The following CRB1 variants were observed in gnomAD, a reference collection of about 807,000 sequenced individuals.
The protein encoded by CRB1 is crumbs cell polarity complex component 1.
Under a neutral mutation model 120.0 loss-of-function variants are expected in CRB1, and 83 were observed. That is an observed-to-expected ratio of 0.69 (90% CI 0.58 to 0.83). The LOEUF is 0.83. Among genes scored for constraint, CRB1 ranks in the 40% least tolerant of loss-of-function variants. CRB1 has a pLI of 0.00. For synonymous variants in CRB1, 625 were observed against 612.5 expected (o/e 1.02, Z -0.30); for missense variants, 1,699 against 1,687.6 (o/e 1.01, Z -0.12).
intron 2 of CRB1, among the ~76,000 whole-genome samples, chr1:197,342,720 C>T (rs1006360188): frequency 1.3e-5 from 2 of 152,096 alleles, no homozygotes; most frequent in South Asian, 2.1e-4. Flanking sequence ...ACTTTTCAAA[C>T]ATTTTTTATT....
chr1:197,343,527 C>T (rs866324080), intron 2 of CRB1, among the ~76,000 whole-genome samples: 7 of 151,838 alleles, frequency 4.6e-5, no homozygotes, highest in Non-Finnish European at 4.4e-5. Context: ...TTAATAGCTT[C>T]TAATGATGCC....
chr1:197,245,584 A>C, the CRB1 span, among the ~76,000 whole-genome samples: 1 of 152,162 alleles, frequency 6.6e-6, no homozygotes. Flanking sequence ...CTTGGTGTTG[A>C]CATCTACTGA....
chr1:197,437,731 G>T (rs1323930403), intron 9 of CRB1, among the ~76,000 whole-genome samples: 1 of 152,088 alleles, frequency 6.6e-6, no homozygotes, highest in African/African-American at 2.4e-5. Flanking sequence ...CACATTAGCT[G>T]CAGCACACAC....
intron 2 of CRB1, among the ~76,000 whole-genome samples, chr1:197,343,793 C>T (rs1659607272): frequency 6.6e-6 from 1 of 152,092 alleles, no homozygotes; most frequent in Non-Finnish European, 1.5e-5. Context: ...TCGTCTTTTT[C>T]ACATGAGGAA....
At chr1:197,294,192 A>G (rs1480553426) in intron 1 of CRB1, among the ~76,000 whole-genome samples, 3 of 152,186 alleles carry the variant, frequency 2.0e-5, no homozygotes, top group Admixed American at 2.0e-4. Flanking sequence ...TCCAGAATCT[A>G]CAAAGAACTC....
At chr1:197,221,253 A>T in the CRB1 span, among the ~76,000 whole-genome samples, 3 of 152,192 alleles carry the variant, frequency 2.0e-5, no homozygotes, top group Non-Finnish European at 4.4e-5. Flanking sequence ...TTTAGGTGAT[A>T]ACTGCCTGAT....
intron 5 of CRB1, among the ~76,000 whole-genome samples, chr1:197,365,626 C>CTTTTTTT (rs375542477): frequency 6.6e-5 from 8 of 121,886 alleles, no homozygotes; most frequent in African/African-American, 2.5e-4. Flanking sequence ...TCTTCTTCTT[C>CTTTTTTT]TTTTTTTTTT....
At chr1:197,453,602 G>C (rs1311243777) in intron 11 of CRB1, among the ~76,000 whole-genome samples, 4 of 124,720 alleles carry the variant, frequency 3.2e-5, no homozygotes. Context: ...AGAGAGACAA[G>C]GTCTTGCTCT....
chr1:197,294,177 T>C (rs1656372659), intron 1 of CRB1, among the ~76,000 whole-genome samples: 1 of 152,166 alleles, frequency 6.6e-6, no homozygotes, highest in Non-Finnish European at 1.5e-5. Flanking sequence ...GACAAAGGGC[T>C]AATTTCCAGA....
intron 5 of CRB1, chr1:197,357,555 T>C (rs1245720576): frequency 5.7e-6 from 1 of 174,432 alleles, no homozygotes; most frequent in African/African-American, 2.4e-5. Flanking sequence ...AGTTTTGTAT[T>C]GTCTGCTTTC....
the CRB1 span, chr1:197,222,432 A>G: frequency 1.3e-6 from 1 of 768,454 alleles, no homozygotes; most frequent in South Asian, 1.3e-5. Flanking sequence ...TCCTCGGGCT[A>G]CCGTCATGGT....
chr1:197,250,146 A>T, the CRB1 span, among the ~76,000 whole-genome samples: 2 of 152,004 alleles, frequency 1.3e-5, no homozygotes, highest in African/African-American at 4.8e-5. Context: ...TCATGTAGTC[A>T]CACCTGTATT....
In CRB1 at chr1:197,427,567, CCAT is replaced by C. The variant is rs62635653; in HGVS notation, c.2245_2247del (p.Ser749del). 3 of 1,613,836 alleles carry C rather than the reference CCAT, an allele frequency of 1.9e-6. No individual in the cohort carries two copies. Among genetic ancestry groups the C allele is most frequent in the Non-Finnish European group, 2.5e-6 (3 of 1,179,980 alleles). ...CTCCATGTTTGTCCGAACGCTTCAA[CCAT>C]CAGGCTTACTTCTAGCTTTGGAAAA... On this transcript the variant is annotated inframe_deletion, in exon 7 of 12. Coordinates refer to ENST00000367400, the MANE Select transcript of CRB1 (RefSeq NM_201253.3).
intron 5 of CRB1, among the ~76,000 whole-genome samples, chr1:197,392,096 T>C (rs887694683): frequency 4.6e-5 from 7 of 151,940 alleles, no homozygotes; most frequent in African/African-American, 1.5e-4. Context: ...AAAGGGGAAC[T>C]CAAGCAGCTG....
At chr1:197,224,408 A>G in the CRB1 span, among the ~76,000 whole-genome samples, 1,055 of 152,252 alleles carry the variant, frequency 6.9e-3, 11 homozygotes, top group African/African-American at 0.023. Flanking sequence ...GGAGGGTGCA[A>G]TTTGTCAGTA....
the CRB1 span, among the ~76,000 whole-genome samples, chr1:197,237,577 A>G: frequency 2.0e-5 from 3 of 152,144 alleles, no homozygotes; most frequent in Non-Finnish European, 4.4e-5. Flanking sequence ...ATTATTTATT[A>G]TTTCTTTTAC....
At chr1:197,350,031 C>T (rs1156520887) in intron 4 of CRB1, among the ~76,000 whole-genome samples, 2 of 148,906 alleles carry the variant, frequency 1.3e-5, no homozygotes, top group Admixed American at 6.8e-5. Context: ...ACCCGGGAAG[C>T]GGAGCTTGCA....
chr1:197,412,989 C>T (rs1663789721), intron 5 of CRB1, among the ~76,000 whole-genome samples: 1 of 152,026 alleles, frequency 6.6e-6, no homozygotes, highest in Non-Finnish European at 1.5e-5. Flanking sequence ...TTTCATGATA[C>T]AGTTACTGCC....
chr1:197,429,199 A>T (rs989263040), intron 7 of CRB1: 104 of 1,503,334 alleles, frequency 6.9e-5, no homozygotes, highest in African/African-American at 4.1e-4. Context: ...TACTTGAAAA[A>T]CCCTCCTTGT....
Sources: gnomAD v4.1 joint callset for allele counts (sites outside exome capture counted in the v4.1 genomes callset) on GRCh38, gnomAD v4.1.1 for gene constraint, MANE v1.5 for transcripts, NCBI Gene and HGNC (gene_info 2026-07-23, HGNC 2026-07-21) for gene names.